The following PHKB variants were observed in gnomAD, a reference collection of about 807,000 sequenced individuals.
The protein encoded by PHKB is phosphorylase b kinase regulatory subunit beta.
In PHKB, 122 loss-of-function variants were observed where a neutral mutation model predicts 152.1. The observed-to-expected ratio is 0.80, with a 90% CI of 0.69 to 0.93. The LOEUF (loss-of-function observed/expected upper bound fraction) is 0.93. PHKB is among the 40% of genes least tolerant of loss of function. PHKB has a pLI of 0.00. For missense variants in PHKB, 1,304 were observed against 1,328.4 expected (o/e 0.98, Z 0.29); for synonymous variants, 436 against 464.9 (o/e 0.94, Z 0.80).
chr16:47,476,148 G>A (rs1241379668), intron 1 of PHKB, among the ~76,000 whole-genome samples: 2 of 152,144 alleles, frequency 1.3e-5, no homozygotes, highest in Non-Finnish European at 2.9e-5. Context: ...GGGATTATAT[G>A]AGTGAGCCTT....
intron 1 of PHKB, 96 bp downstream of exon 1, chr16:47,461,522 G>GAACCT: frequency 8.0e-7 from 1 of 1,246,276 alleles, no homozygotes; most frequent in South Asian, 1.2e-5. Context: ...CCCTGGGAAT[G>GAACCT]AACCTGTGCC....
intron 14 of PHKB, among the ~76,000 whole-genome samples, chr16:47,615,816 T>C (rs1248892808): frequency 6.6e-6 from 1 of 152,254 alleles, no homozygotes; most frequent in Non-Finnish European, 1.5e-5. Context: ...TTTATTCTGT[T>C]CCTTTACTCA....
At chr16:47,684,210 G>C (rs1474473326) in intron 26 of PHKB, among the ~76,000 whole-genome samples, 1 of 152,042 alleles carries the variant, frequency 6.6e-6, no homozygotes, top group Admixed American at 6.6e-5. Flanking sequence ...GTGCCTGCCT[G>C]TAGTCCCAGT....
At position 47,566,657 on chromosome 16, in the gene PHKB, A is replaced by G. The variant is rs570272172; in HGVS notation, c.711-13638A>G. ...GGCTCCAGTCGATATTGGGTTCCCA[A>G]GCAGCCCCTGGAGCAGTGGGAAGGA... On this transcript the variant is annotated intron_variant, in intron 7 of 30. Transcript: ENST00000323584. 90 of 943,198 alleles carry G rather than the reference A, an allele frequency of 9.5e-5. No homozygotes were observed. The African/African-American group carries it at 1.4e-3, about 14-fold the overall frequency. The allele number at this position is 943,198 out of a possible 1,614,324, so 58.4% of individuals were successfully genotyped here.
intron 25 of PHKB, among the ~76,000 whole-genome samples, chr16:47,667,054 AT>A (rs1395254711): frequency 1.3e-5 from 2 of 152,172 alleles, no homozygotes. Flanking sequence ...TCATCCTTAC[AT>A]TTAGCTTTTG....
intron 20 of PHKB, among the ~76,000 whole-genome samples, chr16:47,657,167 C>G (rs541142951): frequency 6.6e-6 from 1 of 152,200 alleles, no homozygotes; most frequent in African/African-American, 2.4e-5. Context: ...CTGCCTCGCT[C>G]TGTGGTTTGT....
At chr16:47,504,222 AC>A (rs1970372627) in intron 4 of PHKB, among the ~76,000 whole-genome samples, 1 of 152,230 alleles carries the variant, frequency 6.6e-6, no homozygotes, top group African/African-American at 2.4e-5. Context: ...ACACAGATGC[AC>A]TTCATTCCCC....
intron 26 of PHKB, among the ~76,000 whole-genome samples, chr16:47,677,287 C>T (rs1463319590): frequency 6.6e-6 from 1 of 152,118 alleles, no homozygotes; most frequent in East Asian, 1.9e-4. Flanking sequence ...GCTCAGTTTG[C>T]CTCATCAAAT....
chr16:47,535,704 A>T (rs1028851119), intron 6 of PHKB, among the ~76,000 whole-genome samples: 1 of 152,194 alleles, frequency 6.6e-6, no homozygotes, highest in South Asian at 2.1e-4. Flanking sequence ...TTTTTAGTGC[A>T]ATACTTACTC....
At chr16:47,551,810 G>A (rs961958552) in intron 7 of PHKB, among the ~76,000 whole-genome samples, 4 of 152,212 alleles carry the variant, frequency 2.6e-5, no homozygotes, top group Admixed American at 6.5e-5. Context: ...ATTGACAGTC[G>A]GGTGTTAAAG....
At chr16:47,631,349 G>A (rs952279414) in intron 14 of PHKB, among the ~76,000 whole-genome samples, 1 of 152,148 alleles carries the variant, frequency 6.6e-6, no homozygotes, top group African/African-American at 2.4e-5. Context: ...CTTTAAAATG[G>A]GAGTTCTTGT....
intron 14 of PHKB, among the ~76,000 whole-genome samples, chr16:47,626,236 C>G (rs1597133352): frequency 6.6e-6 from 1 of 152,208 alleles, no homozygotes; most frequent in African/African-American, 2.4e-5. Flanking sequence ...GCACTAGAAA[C>G]AGTTTGGCCT....
In PHKB at chr16:47,633,780, C is replaced by T. The variant is rs146899132; in HGVS notation, c.1459-7255C>T. 6.6e-5 allele frequency among the ~76,000 whole-genome samples: 10 copies of T among 152,270 alleles called. No individual in the cohort carries two copies. The East Asian group carries it at 1.3e-3, about 21-fold the overall frequency. On this transcript the variant is annotated intron_variant, in intron 14 of 30. Transcript: ENST00000323584. ...GTAGTCCCTGAGCTGTAAAAGTCCT[C>T]GAGAAGTTTGGGCTTTATTTGGGAA... is the stretch of plus-strand genomic sequence containing the variant.
intron 13 of PHKB, chr16:47,597,975 A>G (rs1210206510): frequency 2.6e-5 from 4 of 152,042 alleles, no homozygotes; most frequent in African/African-American, 9.7e-5. Context: ...AATGTATTCT[A>G]ATTTGAAGGT....
intron 2 of PHKB, among the ~76,000 whole-genome samples, chr16:47,498,282 A>AT (rs1206519836): frequency 6.6e-6 from 1 of 152,162 alleles, no homozygotes; most frequent in Admixed American, 6.5e-5. Flanking sequence ...AACTAACTAT[A>AT]TTTTTTTATG....
intron 1 of PHKB, among the ~76,000 whole-genome samples, chr16:47,492,558 G>A (rs1970167397): frequency 6.6e-6 from 1 of 152,170 alleles, no homozygotes; most frequent in Non-Finnish European, 1.5e-5. Context: ...GGGAGCGGAA[G>A]GCTCTATGGA....
intron 6 of PHKB, among the ~76,000 whole-genome samples, chr16:47,520,716 A>G (rs1970671337): frequency 6.6e-6 from 1 of 152,232 alleles, no homozygotes; most frequent in African/African-American, 2.4e-5. Context: ...GAGTTTCCAT[A>G]ATGGGCCAAA....
chr16:47,541,521 A>C (rs1971058810), intron 6 of PHKB, among the ~76,000 whole-genome samples: 1 of 152,200 alleles, frequency 6.6e-6, no homozygotes, highest in South Asian at 2.1e-4. Context: ...CAGTAATGGG[A>C]TGGCTGGGTC....
intron 1 of PHKB, among the ~76,000 whole-genome samples, chr16:47,495,664 G>A (rs1970219553): frequency 6.6e-6 from 1 of 152,094 alleles, no homozygotes. Context: ...ATTACCTTAT[G>A]CTCTAGCAGT....
Sources: gnomAD v4.1 joint callset for allele counts (sites outside exome capture counted in the v4.1 genomes callset) on GRCh38, gnomAD v4.1.1 for gene constraint, MANE v1.5 for transcripts, NCBI Gene and HGNC (gene_info 2026-07-23, HGNC 2026-07-21) for gene names.